The following NCALD variants were observed in gnomAD, a reference collection of about 807,000 sequenced individuals.
NCALD encodes the protein neurocalcin-delta.
Under a neutral mutation model 18.6 loss-of-function variants are expected in NCALD, and 10 were observed. That is an observed-to-expected ratio of 0.54 (90% confidence interval 0.33 to 0.91). The LOEUF (loss-of-function observed/expected upper bound fraction) is 0.91, where lower values mean the gene tolerates loss of function less well. Ranked by LOEUF, NCALD falls within the 40% of genes least tolerant of loss-of-function variation. The probability of loss-of-function intolerance (pLI) is 0.03; values close to 1 mark genes in which losing one functional copy is unlikely to be tolerated. For synonymous variants in NCALD, 88 were observed against 87.4 expected (o/e 1.01, Z -0.04); for missense variants, 184 against 247.6 (o/e 0.74, Z 1.72).
chr8:101,735,166 C>T (rs28509185), intron 1 of NCALD, among the ~76,000 whole-genome samples: 22,258 of 152,054 alleles, frequency 0.15, 2,089 homozygotes, highest in African/African-American at 0.26. Flanking sequence ...CTGAGGAAAA[C>T]ATAAATCAGG....
chr8:101,972,393 T>C (rs1820274976), intron 2 of NCALD, among the ~76,000 whole-genome samples: 1 of 152,200 alleles, frequency 6.6e-6, no homozygotes, highest in Non-Finnish European at 1.5e-5. Flanking sequence ...GTTGTGGGGA[T>C]TAAATGAGAT....
intron 2 of NCALD, among the ~76,000 whole-genome samples, chr8:101,923,457 C>G (rs1015823593): frequency 3.9e-5 from 6 of 152,232 alleles, no homozygotes; most frequent in South Asian, 2.1e-4. Context: ...CTCACTATCA[C>G]TAGCTCTCTA....
At chr8:102,061,266 G>T (rs550099178) in intron 1 of NCALD, among the ~76,000 whole-genome samples, 1 of 152,326 alleles carries the variant, frequency 6.6e-6, no homozygotes, top group South Asian at 2.1e-4. Context: ...GCCCCCCAGG[G>T]TGAATGGATA....
intron 4 of NCALD, among the ~76,000 whole-genome samples, chr8:101,875,716 A>G (rs1248888906): frequency 6.6e-6 from 1 of 152,216 alleles, no homozygotes; most frequent in Non-Finnish European, 1.5e-5. Flanking sequence ...AAGGACGTGG[A>G]AGGCACCAAA....
chr8:101,789,941 T>G (rs1365619388), intron 1 of NCALD, among the ~76,000 whole-genome samples: 1 of 152,152 alleles, frequency 6.6e-6, no homozygotes, highest in African/African-American at 2.4e-5. Context: ...GAGATAAAAA[T>G]TCTTATTAAT....
chr8:102,092,332 G>A (rs1322499343), intron 1 of NCALD, among the ~76,000 whole-genome samples: 2 of 152,176 alleles, frequency 1.3e-5, no homozygotes, highest in Non-Finnish European at 2.9e-5. Flanking sequence ...AGCAGCCCTC[G>A]AGGCTGCTCT....
intron 1 of NCALD, among the ~76,000 whole-genome samples, chr8:101,776,178 T>C (rs1484735351): frequency 6.6e-6 from 1 of 152,134 alleles, no homozygotes; most frequent in Non-Finnish European, 1.5e-5. Flanking sequence ...AAGAGATGAA[T>C]GATCAGACTG....
At chr8:101,991,543 C>T (rs1387702919) in intron 2 of NCALD, among the ~76,000 whole-genome samples, 3 of 152,102 alleles carry the variant, frequency 2.0e-5, no homozygotes, top group Non-Finnish European at 2.9e-5. Flanking sequence ...TAAATAGTAC[C>T]AATTCATGTG....
intron 4 of NCALD, among the ~76,000 whole-genome samples, chr8:101,802,899 C>CAAAAAAAA (rs34519871): frequency 1.0e-5 from 1 of 99,576 alleles, no homozygotes; most frequent in Non-Finnish European, 1.9e-5. Flanking sequence ...TGCTGCTGCT[C>CAAAAAAAA]AAAAAAAAAA....
At chr8:101,719,119 A>T in intron 2 of NCALD, 133 bp downstream of exon 2, 1 of 1,035,708 alleles carries the variant, frequency 9.7e-7, no homozygotes, top group East Asian at 2.4e-5. Context: ...CTGTTCAAAC[A>T]TGCAGGGTGG....
chr8:102,094,436 T>G (rs1033616571), intron 1 of NCALD, among the ~76,000 whole-genome samples: 2 of 152,206 alleles, frequency 1.3e-5, no homozygotes, highest in Non-Finnish European at 2.9e-5. Flanking sequence ...GTGATCTGCC[T>G]AAGGTATCTC....
intron 2 of NCALD, among the ~76,000 whole-genome samples, chr8:101,984,000 T>G (rs776677650): frequency 2.6e-5 from 4 of 152,226 alleles, no homozygotes; most frequent in Non-Finnish European, 5.9e-5. Flanking sequence ...AGGTCTCTCC[T>G]GAATCACCTG....
intron 2 of NCALD, among the ~76,000 whole-genome samples, chr8:101,707,155 C>T (rs895094813): frequency 6.6e-6 from 1 of 152,114 alleles, no homozygotes; most frequent in African/African-American, 2.4e-5. Flanking sequence ...CAGAAGACCA[C>T]AGTGTTTCAG....
intron 1 of NCALD, among the ~76,000 whole-genome samples, chr8:101,765,241 G>A (rs948038387): frequency 6.6e-6 from 1 of 152,224 alleles, no homozygotes; most frequent in Non-Finnish European, 1.5e-5. Context: ...AGATTAAGCA[G>A]GGGAGTGAAA....
chr8:101,709,198 C>T (rs116354900), intron 2 of NCALD, among the ~76,000 whole-genome samples: 2,359 of 152,214 alleles, frequency 0.015, 58 homozygotes, highest in African/African-American at 0.054. Flanking sequence ...TTGGGTACGC[C>T]CTACGTAAAT....
At chr8:102,111,638 G>A (rs1825644045) in intron 1 of NCALD, among the ~76,000 whole-genome samples, 1 of 152,098 alleles carries the variant, frequency 6.6e-6, no homozygotes, top group African/African-American at 2.4e-5. Context: ...ACACGTTAAA[G>A]TCCATCTCTC....
chr8:101,770,852 T>A (rs1204979585), intron 1 of NCALD, among the ~76,000 whole-genome samples: 1 of 152,222 alleles, frequency 6.6e-6, no homozygotes, highest in African/African-American at 2.4e-5. Flanking sequence ...ATACATTTTT[T>A]AAAAAATAGA....
chr8:101,858,796 C>G (rs775118239), intron 4 of NCALD, among the ~76,000 whole-genome samples: 1 of 152,158 alleles, frequency 6.6e-6, no homozygotes, highest in East Asian at 1.9e-4. Context: ...CAGCTTCCAG[C>G]GAGCTTGTTA....
intron 3 of NCALD, among the ~76,000 whole-genome samples, chr8:101,897,377 G>C (rs545934457): frequency 2.5e-5 from 3 of 122,430 alleles, no homozygotes; most frequent in African/African-American, 6.2e-5. Context: ...GGGGTGGGGG[G>C]AGGGGGGAGG....
Sources: allele counts gnomAD v4.1 joint callset (sites outside exome capture counted in the v4.1 genomes callset), GRCh38; gene constraint gnomAD v4.1.1; transcripts MANE v1.5; gene names NCBI Gene and HGNC (gene_info 2026-07-23, HGNC 2026-07-21).